Variants in OSBPL6 observed in about 807,000 individuals in gnomAD.
The protein encoded by OSBPL6 is oxysterol binding protein like 6, also known as oxysterol-binding protein-related protein 6.
In OSBPL6, 49 loss-of-function variants were observed where a neutral mutation model predicts 125.8. The observed-to-expected ratio is 0.39, with a 90% CI of 0.31 to 0.49. OSBPL6 has a LOEUF of 0.49. Ranked by LOEUF, OSBPL6 falls within the 20% of genes least tolerant of loss-of-function variation. The probability of loss-of-function intolerance (pLI) is 0.88; values close to 1 mark genes in which losing one functional copy is unlikely to be tolerated. For missense variants in OSBPL6, 986 were observed against 1,135.4 expected, an observed-to-expected ratio of 0.87 and a Z score of 1.89; for synonymous variants, 394 against 391.8, an observed-to-expected ratio of 1.01 and a Z score of -0.07.
At chr2:178,234,135 G>A (rs1197830875) in intron 1 of OSBPL6, among the ~76,000 whole-genome samples, 1 of 152,114 alleles carries the variant, frequency 6.6e-6, no homozygotes, top group Non-Finnish European at 1.5e-5. Context: ...TACCATATAT[G>A]TCTGAAGTCA....
At chr2:178,355,655 G>C (rs1691713869) in intron 12 of OSBPL6, among the ~76,000 whole-genome samples, 1 of 152,042 alleles carries the variant, frequency 6.6e-6, no homozygotes, top group African/African-American at 2.4e-5. Context: ...TTCTACCAGA[G>C]GTACAAAGAG....
intron 3 of OSBPL6, among the ~76,000 whole-genome samples, chr2:178,317,512 A>G (rs1442457726): frequency 6.9e-6 from 1 of 145,896 alleles, no homozygotes; most frequent in Non-Finnish European, 1.5e-5. Context: ...GCAAACATTT[A>G]TGAGAACATA....
chr2:178,222,495 T>G (rs1028231459), intron 1 of OSBPL6, among the ~76,000 whole-genome samples: 1 of 152,046 alleles, frequency 6.6e-6, no homozygotes, highest in Admixed American at 6.5e-5. Flanking sequence ...TACAAAAAAT[T>G]AGCTGGGTGA....
At chr2:178,351,718 C>A (rs1691274774) in intron 12 of OSBPL6, among the ~76,000 whole-genome samples, 1 of 152,152 alleles carries the variant, frequency 6.6e-6, no homozygotes, top group Non-Finnish European at 1.5e-5. Flanking sequence ...AGGTTATTAT[C>A]CTCAGCAAAC....
chr2:178,337,009 A>G (rs1034446546), intron 9 of OSBPL6, among the ~76,000 whole-genome samples: 3 of 152,164 alleles, frequency 2.0e-5, no homozygotes, highest in Non-Finnish European at 4.4e-5. Context: ...TTCTGAACCA[A>G]TACCTGCTTC....
At chr2:178,227,041 A>G (rs887941805) in intron 1 of OSBPL6, among the ~76,000 whole-genome samples, 1 of 152,242 alleles carries the variant, frequency 6.6e-6, no homozygotes, top group Non-Finnish European at 1.5e-5. Context: ...TGATGGCTAC[A>G]CACAAAAGAT....
chr2:178,398,139 T>C lies in OSBPL6; in HGVS notation c.*2580T>C, dbSNP rs1288252433. 3 of 152,196 alleles carry C rather than the reference T, an allele frequency of 2.0e-5. No homozygotes were observed. The highest frequency in any genetic ancestry group is 2.0e-4 in the Admixed American group (3 of 15,254). The allele number at this position is 152,196 out of a possible 1,614,324, so 9.4% of individuals were successfully genotyped here. On this transcript the variant is annotated 3_prime_UTR_variant, in exon 25 of 25. Transcript: ENST00000190611. The stretch of plus-strand genomic sequence containing the variant: ...GTGGTTATAAAATGAAGAGACTTAC[T>C]CTATTGGAATTTTCATCTACGTAGT...
chr2:178,289,329 T>C (rs1326202110), intron 2 of OSBPL6, among the ~76,000 whole-genome samples: 1 of 152,216 alleles, frequency 6.6e-6, no homozygotes, highest in Non-Finnish European at 1.5e-5. Flanking sequence ...TTTTGTTTTC[T>C]ATATTTTAAA....
chr2:178,209,373 CAA>C (rs1484016107), intron 1 of OSBPL6, among the ~76,000 whole-genome samples: 1 of 149,500 alleles, frequency 6.7e-6, no homozygotes, highest in Non-Finnish European at 1.5e-5. Context: ...TCTGGGTTTT[CAA>C]AGAGGCAATT....
intron 14 of OSBPL6, 48 bp downstream of exon 14, chr2:178,372,281 A>G (rs952002790): frequency 6.0e-6 from 8 of 1,334,636 alleles, no homozygotes; most frequent in African/African-American, 1.5e-5. Flanking sequence ...TTTAGCATCT[A>G]AATTTACTGC....
chr2:178,209,606 A>T, intron 1 of OSBPL6, among the ~76,000 whole-genome samples: 1 of 151,314 alleles, frequency 6.6e-6, no homozygotes. Flanking sequence ...TTCATGTTTG[A>T]GTTTTTCCTC....
chr2:178,276,395 C>T (rs560627726), intron 1 of OSBPL6, among the ~76,000 whole-genome samples: 1 of 126,780 alleles, frequency 7.9e-6, no homozygotes. Flanking sequence ...TTTTTTGAGA[C>T]GGAGTCTCGC....
chr2:178,292,412 C>T (rs989972323), intron 2 of OSBPL6, among the ~76,000 whole-genome samples: 24 of 152,208 alleles, frequency 1.6e-4, no homozygotes, highest in Middle Eastern at 3.4e-3. Context: ...TTTGGCTTTC[C>T]AAGCAACAAT....
At chr2:178,278,374 A>G (rs2092512613) in intron 1 of OSBPL6, among the ~76,000 whole-genome samples, 1 of 152,188 alleles carries the variant, frequency 6.6e-6, no homozygotes, top group East Asian at 1.9e-4. Flanking sequence ...GTTGATTGTT[A>G]CATTTCTAGA....
At chr2:178,311,332 G>A (rs1489810241) in intron 3 of OSBPL6, among the ~76,000 whole-genome samples, 1 of 152,064 alleles carries the variant, frequency 6.6e-6, no homozygotes, top group Non-Finnish European at 1.5e-5. Flanking sequence ...CCCTCCTTGG[G>A]CAGCCTTCTC....
chr2:178,242,849 T>A (rs1259163757), intron 1 of OSBPL6, among the ~76,000 whole-genome samples: 1 of 152,092 alleles, frequency 6.6e-6, no homozygotes, highest in Non-Finnish European at 1.5e-5. Flanking sequence ...AAGCTGTAAA[T>A]TTAAAATTGT....
intron 9 of OSBPL6, 54 bp from the exon 10 acceptor site, chr2:178,338,937 C>T (rs924790933): frequency 3.2e-6 from 4 of 1,260,790 alleles, no homozygotes; most frequent in Non-Finnish European, 4.6e-6. Flanking sequence ...TTATTACCAT[C>T]CCCACCGCTC....
intron 1 of OSBPL6, among the ~76,000 whole-genome samples, chr2:178,261,461 A>G (rs2092062085): frequency 6.6e-6 from 1 of 152,132 alleles, no homozygotes; most frequent in South Asian, 2.1e-4. Context: ...TTAGAAAAGC[A>G]TGGGGTAACT....
At chr2:178,195,170 G>T (rs562281360) in intron 1 of OSBPL6, among the ~76,000 whole-genome samples, 7 of 152,210 alleles carry the variant, frequency 4.6e-5, no homozygotes, top group Non-Finnish European at 8.8e-5. Flanking sequence ...AATCGGGGAA[G>T]CCGAGAGGAG....
Sources: gnomAD v4.1 joint callset for allele counts (sites outside exome capture counted in the v4.1 genomes callset) on GRCh38, gnomAD v4.1.1 for gene constraint, MANE v1.5 for transcripts, NCBI Gene and HGNC (gene_info 2026-07-23, HGNC 2026-07-21) for gene names.